Variants in GALNT13 observed in about 807,000 individuals in gnomAD.
GALNT13 encodes polypeptide N-acetylgalactosaminyltransferase 13.
A neutral mutation model predicts 64.2 loss-of-function variants in GALNT13; 28 were observed. The ratio of observed to expected loss-of-function variants is 0.44; its 90% CI spans 0.32 to 0.60. The LOEUF is 0.60. GALNT13 is among the 20% of genes least tolerant of loss of function. The pLI is 0.05. For missense variants in GALNT13, 577 were observed against 669.8 expected, an observed-to-expected ratio of 0.86 and a Z score of 1.53; for synonymous variants, 214 against 224.6, an observed-to-expected ratio of 0.95 and a Z score of 0.42.
the GALNT13 span, among the ~76,000 whole-genome samples, chr2:153,175,544 T>C: frequency 2.0e-5 from 3 of 152,196 alleles, no homozygotes; most frequent in Non-Finnish European, 4.4e-5. Flanking sequence ...TGCTATCTAA[T>C]GCAAGAAAAT....
At chr2:154,162,126 TC>T (rs1684768573) in intron 4 of GALNT13, among the ~76,000 whole-genome samples, 1 of 152,150 alleles carries the variant, frequency 6.6e-6, no homozygotes, top group Admixed American at 6.5e-5. Flanking sequence ...GATTTTACAT[TC>T]TAACATAAAT....
intron 4 of GALNT13, among the ~76,000 whole-genome samples, chr2:154,166,579 A>G (rs1012266146): frequency 1.3e-4 from 20 of 152,256 alleles, no homozygotes; most frequent in African/African-American, 4.6e-4. Context: ...CAATTCCTCA[A>G]GGATCTAGAA....
intron 3 of GALNT13, among the ~76,000 whole-genome samples, chr2:153,967,363 A>G (rs974472633): frequency 2.7e-4 from 41 of 152,228 alleles, no homozygotes; most frequent in African/African-American, 8.7e-4. Flanking sequence ...ACTTGTACTC[A>G]TCCTTCTTTA....
At chr2:154,152,265 C>G (rs999679685) in intron 4 of GALNT13, among the ~76,000 whole-genome samples, 39 of 152,286 alleles carry the variant, frequency 2.6e-4, no homozygotes, top group Non-Finnish European at 5.1e-4. Context: ...GGCCCCCACT[C>G]TCTTCTGGCT....
the GALNT13 span, among the ~76,000 whole-genome samples, chr2:153,677,965 G>A: frequency 1.3e-5 from 2 of 151,704 alleles, no homozygotes; most frequent in Non-Finnish European, 2.9e-5. Context: ...CTGGACATAG[G>A]TCCCAGCAAA....
chr2:153,708,260 G>A, the GALNT13 span, among the ~76,000 whole-genome samples: 9 of 152,252 alleles, frequency 5.9e-5, no homozygotes, highest in African/African-American at 1.9e-4. Flanking sequence ...AAATGATAAT[G>A]ATAATGATAT....
intron 3 of GALNT13, among the ~76,000 whole-genome samples, chr2:154,129,076 CTACCTCAAGCAA>C (rs1174277969): frequency 1.3e-5 from 2 of 151,896 alleles, no homozygotes; most frequent in Admixed American, 6.6e-5. Context: ...TATTTTAACC[CTACCTCAAGCAA>C]TATATTCTGA....
chr2:154,314,503 A>G (rs1209835977), intron 9 of GALNT13, among the ~76,000 whole-genome samples: 1 of 152,126 alleles, frequency 6.6e-6, no homozygotes, highest in Non-Finnish European at 1.5e-5. Flanking sequence ...AAAAGAAAAA[A>G]GGTTTATTTG....
chr2:153,527,585 G>T, the GALNT13 span, among the ~76,000 whole-genome samples: 8 of 152,196 alleles, frequency 5.3e-5, no homozygotes, highest in Non-Finnish European at 1.2e-4. Context: ...TCACCTGAAT[G>T]TACAAAAATC....
upstream of GALNT13, among the ~76,000 whole-genome samples, chr2:153,867,079 G>A (rs1685780409): frequency 6.6e-6 from 1 of 152,132 alleles, no homozygotes; most frequent in Non-Finnish European, 1.5e-5. Context: ...CAGCTGACAT[G>A]GTTACCACTA....
the GALNT13 span, among the ~76,000 whole-genome samples, chr2:153,652,182 C>A: frequency 1.3e-5 from 2 of 152,004 alleles, no homozygotes; most frequent in Non-Finnish European, 2.9e-5. Context: ...ATTTTTATTT[C>A]GGTAATATAT....
At chr2:153,356,786 CCTCTTTTTT>C in the GALNT13 span, among the ~76,000 whole-genome samples, 3 of 32,808 alleles carry the variant, frequency 9.1e-5, no homozygotes, top group Non-Finnish European at 2.3e-4. Context: ...TTTTCTTCTT[CCTCTTTTTT>C]TTTTTTTTTT....
intron 3 of GALNT13, among the ~76,000 whole-genome samples, chr2:154,000,650 A>G (rs1267328699): frequency 1.3e-5 from 2 of 152,014 alleles, no homozygotes; most frequent in African/African-American, 4.8e-5. Context: ...GTGAGAAAAT[A>G]TAATGGATAT....
the GALNT13 span, among the ~76,000 whole-genome samples, chr2:153,087,559 A>G: frequency 6.6e-6 from 1 of 152,164 alleles, no homozygotes; most frequent in Non-Finnish European, 1.5e-5. Context: ...ATTGGTATCA[A>G]TTCTTTTCTG....
At chr2:153,735,315 TC>T in the GALNT13 span, among the ~76,000 whole-genome samples, 1 of 152,120 alleles carries the variant, frequency 6.6e-6, no homozygotes, top group Admixed American at 6.6e-5. Flanking sequence ...TATATACTTT[TC>T]CCCCCAAGAT....
chr2:153,842,502 G>T, the GALNT13 span, among the ~76,000 whole-genome samples: 1 of 151,798 alleles, frequency 6.6e-6, no homozygotes, highest in African/African-American at 2.4e-5. Flanking sequence ...TCTTACAAAA[G>T]ACTAAAAAAC....
At chr2:153,627,737 C>A in the GALNT13 span, among the ~76,000 whole-genome samples, 1 of 152,090 alleles carries the variant, frequency 6.6e-6, no homozygotes. Flanking sequence ...TGTAAACATG[C>A]CTTAAACACT....
chr2:153,681,341 C>A, the GALNT13 span, among the ~76,000 whole-genome samples: 1 of 151,802 alleles, frequency 6.6e-6, no homozygotes, highest in African/African-American at 2.4e-5. Flanking sequence ...TCAAAGATAT[C>A]TGGGAAACTG....
the GALNT13 span, among the ~76,000 whole-genome samples, chr2:153,524,936 A>C: frequency 1.3e-5 from 2 of 152,158 alleles, no homozygotes; most frequent in African/African-American, 2.4e-5. Flanking sequence ...GAGTGCTGGC[A>C]TCACCCTCTC....
Sources: allele counts gnomAD v4.1 joint callset (sites outside exome capture counted in the v4.1 genomes callset), GRCh38; gene constraint gnomAD v4.1.1; transcripts MANE v1.5; gene names NCBI Gene and HGNC (gene_info 2026-07-23, HGNC 2026-07-21).